The following PHIP variants were observed in gnomAD, a reference collection of about 807,000 sequenced individuals.
PHIP encodes PH-interacting protein.
PHIP carries 54 observed loss-of-function variants against 236.8 expected under a neutral mutation model. The ratio of observed to expected loss-of-function variants is 0.23; its 90% confidence interval spans 0.18 to 0.29. The LOEUF (loss-of-function observed/expected upper bound fraction) is 0.29, where lower values mean the gene tolerates loss of function less well. PHIP is among the 10% of genes least tolerant of loss of function. PHIP has a pLI of 1.00. For missense variants in PHIP, 1,370 were observed against 2,190.8 expected (o/e 0.63, Z 7.48); for synonymous variants, 756 against 718.9 (o/e 1.05, Z -0.83).
intron 19 of PHIP, among the ~76,000 whole-genome samples, chr6:78,992,408 T>G (rs974333384): frequency 3.3e-5 from 5 of 152,200 alleles, no homozygotes; most frequent in Non-Finnish European, 7.3e-5. Context: ...CAGTTTTACT[T>G]CTATTAGTTT....
At chr6:79,006,482 G>T (rs1456574505) in intron 15 of PHIP, among the ~76,000 whole-genome samples, 10 of 151,872 alleles carry the variant, frequency 6.6e-5, no homozygotes, top group Non-Finnish European at 1.3e-4. Flanking sequence ...AATTCTCAAA[G>T]ACAAAATTTT....
chr6:79,055,970 T>C (rs1773048476), intron 6 of PHIP, among the ~76,000 whole-genome samples: 1 of 152,220 alleles, frequency 6.6e-6, no homozygotes, highest in Non-Finnish European at 1.5e-5. Flanking sequence ...CATTCCATTT[T>C]TGTAATACCT....
chr6:79,017,172 A>C (rs1770873280), intron 12 of PHIP, among the ~76,000 whole-genome samples, 174 bp downstream of exon 12: 1 of 152,036 alleles, frequency 6.6e-6, no homozygotes, highest in Non-Finnish European at 1.5e-5. Flanking sequence ...ATTATTACAA[A>C]TAAGAGAAAG....
At chr6:79,005,695 A>C (rs1239597542) in intron 15 of PHIP, among the ~76,000 whole-genome samples, 2 of 152,194 alleles carry the variant, frequency 1.3e-5, no homozygotes, top group African/African-American at 2.4e-5. Flanking sequence ...TAAGATTACA[A>C]TTTGAAGTAG....
chr6:79,031,502 T>C (rs114155700), intron 7 of PHIP, among the ~76,000 whole-genome samples: 1,820 of 152,208 alleles, frequency 0.012, 39 homozygotes, highest in African/African-American at 0.042. Flanking sequence ...CACAACAGCA[T>C]AGATATTATT....
rs745627595 is a variant in PHIP, at chr6:79,018,831, CTATT to C, written c.994+254_994+257del. ...TTCTTTAACAGGGTCGATTTTGAAA[CTATT>C]TATTCTCTCCTACTAGAACATTATA... On this transcript the variant is annotated intron_variant, in intron 10 of 39. Transcript: ENST00000275034. 5.9e-5 allele frequency among the ~76,000 whole-genome samples: 9 copies of C among 151,986 alleles called. No homozygotes were observed. The South Asian group carries it at 8.3e-4, about 14-fold the overall frequency.
In PHIP at chr6:78,946,273, T is replaced by C. The variant is rs1441165831; in HGVS notation, c.4371-13A>G. ...TTTCCTTTCAGGGCTGTAAATAAAATAGTATTGTCAGTCACTCTTATAGCT... is the reference window on the plus strand; with the variant it reads ...TTTCCTTTCAGGGCTGTAAATAAAACAGTATTGTCAGTCACTCTTATAGCT... On this transcript the variant is annotated splice_polypyrimidine_tract_variant and intron_variant, in intron 37 of 39. Transcript: ENST00000275034. 6.2e-7 allele frequency: 1 copy of C among 1,607,254 alleles called. No individual in the cohort carries two copies. Among genetic ancestry groups the C allele is most frequent in the Non-Finnish European group, 8.5e-7 (1 of 1,176,214 alleles).
chr6:78,945,425 T>C lies in PHIP; in HGVS notation c.4703A>G (p.His1568Arg), dbSNP rs748557453. Residue 1568 changes from histidine to arginine, a missense_variant, in exon 39 of 40, where the codon CAT (histidine) becomes CGT (arginine). His to Arg is a conservative substitution (Grantham distance 29, BLOSUM62 0). Coordinates refer to ENST00000275034, the MANE Select transcript of PHIP (RefSeq NM_017934.7). ...TTTTGCAGAATTATTCCTAGTGCCATGACTAAAACTGGATTGACCAGGACT... is the reference window on the plus strand; with the variant it reads ...TTTTGCAGAATTATTCCTAGTGCCACGACTAAAACTGGATTGACCAGGACT... ...LSSPGQSSFS[H>R]GTRNNSAKEN... 1 of 1,611,354 alleles carries C rather than the reference T, an allele frequency of 6.2e-7. No individual in the cohort carries two copies. Among genetic ancestry groups the C allele is most frequent in the Non-Finnish European group, 8.5e-7 (1 of 1,177,532 alleles).
At chr6:78,960,817 A>G (rs916864471) in intron 31 of PHIP, among the ~76,000 whole-genome samples, 2 of 152,120 alleles carry the variant, frequency 1.3e-5, no homozygotes, top group African/African-American at 4.8e-5. Context: ...ACAGAAATAA[A>G]ATTTAAGTCA....
chr6:79,020,736 T>C (rs563986481), intron 9 of PHIP, among the ~76,000 whole-genome samples: 2 of 152,320 alleles, frequency 1.3e-5, no homozygotes, highest in East Asian at 3.9e-4. Flanking sequence ...ATAGCGAAGA[T>C]TTGTGGGTTT....
At chr6:78,973,063 G>C (rs541573139) in intron 24 of PHIP, among the ~76,000 whole-genome samples, 226 of 152,184 alleles carry the variant, frequency 1.5e-3, no homozygotes, top group African/African-American at 5.0e-3. Flanking sequence ...GCAACTCCAA[G>C]ACACATAATT....
rs1562108267 is a variant in PHIP at position 78,939,837 on chromosome 6, C to CA, written c.*855dup. 1 of 152,126 alleles carries CA rather than the reference C, an allele frequency of 6.6e-6. No homozygotes were observed. 9.4% of individuals were successfully genotyped at this position (152,126 alleles called of 1,614,324 possible). A position where few individuals can be genotyped will look rare whatever the true frequency, so the allele number is the denominator to read the frequency against. On this transcript the variant is annotated 3_prime_UTR_variant, in exon 40 of 40. Coordinates refer to ENST00000275034, the MANE Select transcript of PHIP (RefSeq NM_017934.7). ...CCAGTGCATTATTTTCTATTAGTAC[C>CA]AAAAAAAGATATATCTCAGCATAAC...
At chr6:78,998,940 T>C (rs762295766) in intron 17 of PHIP, among the ~76,000 whole-genome samples, 2 of 152,068 alleles carry the variant, frequency 1.3e-5, no homozygotes, top group Non-Finnish European at 2.9e-5. Flanking sequence ...GGAGCTGACA[T>C]ACTGATGGGG....
intron 17 of PHIP, 49 bp from the exon 18 acceptor site, chr6:78,998,440 A>T: frequency 6.6e-7 from 1 of 1,514,596 alleles, no homozygotes; most frequent in South Asian, 1.2e-5. Context: ...TACTATTCAA[A>T]CCATTTTACT....
chr6:78,973,412 G>A (rs9352679), intron 24 of PHIP, among the ~76,000 whole-genome samples: 42,955 of 146,290 alleles, frequency 0.29, 6,593 homozygotes, highest in Non-Finnish European at 0.35. Context: ...GGTACCAGCC[G>A]CTGCAAAATC....
intron 19 of PHIP, among the ~76,000 whole-genome samples, chr6:78,996,401 A>G (rs1769619453): frequency 6.6e-6 from 1 of 152,216 alleles, no homozygotes; most frequent in Non-Finnish European, 1.5e-5. Flanking sequence ...TGATAGTAAC[A>G]AACAGTGATA....
intron 4 of PHIP, among the ~76,000 whole-genome samples, chr6:79,068,323 C>T (rs1049501128): frequency 5.3e-5 from 8 of 152,194 alleles, no homozygotes; most frequent in East Asian, 1.9e-4. Flanking sequence ...ATTAGCCGGA[C>T]GTGGTGGCAC....
chr6:78,954,365 CAAAGTGCTGGG>C (rs1766267079), intron 35 of PHIP, among the ~76,000 whole-genome samples: 1 of 152,228 alleles, frequency 6.6e-6, no homozygotes, highest in South Asian at 2.1e-4. Flanking sequence ...CTCGGCCTCC[CAAAGTGCTGGG>C]ATTACTGGCA....
chr6:78,990,781 A>C, intron 20 of PHIP, 87 bp downstream of exon 20: 4 of 680,218 alleles, frequency 5.9e-6, no homozygotes, highest in Non-Finnish European at 5.1e-6. Flanking sequence ...CCTGTTTATA[A>C]TACCATGTTA....
Sources: allele counts gnomAD v4.1 joint callset (sites outside exome capture counted in the v4.1 genomes callset), GRCh38; gene constraint gnomAD v4.1.1; transcripts MANE v1.5; gene names NCBI Gene and HGNC (gene_info 2026-07-23, HGNC 2026-07-21).